The following HPSE2 variants were observed in gnomAD, a reference collection of about 807,000 sequenced individuals.
The protein encoded by HPSE2 is heparanase 2 (inactive).
In HPSE2, 38 loss-of-function variants were observed where a neutral mutation model predicts 60.5. The observed-to-expected ratio is 0.63, with a 90% CI of 0.48 to 0.82. The LOEUF is 0.82. Ranked by LOEUF, HPSE2 falls within the 40% of genes least tolerant of loss-of-function variation. HPSE2 has a pLI of 0.00. For missense variants in HPSE2, 713 were observed against 740.4 expected, an observed-to-expected ratio of 0.96 and a Z score of 0.43; for synonymous variants, 295 against 293.2, an observed-to-expected ratio of 1.01 and a Z score of -0.06.
intron 3 of HPSE2, among the ~76,000 whole-genome samples, chr10:99,023,855 C>T (rs1957319640): frequency 6.6e-6 from 1 of 152,204 alleles, no homozygotes. Flanking sequence ...ATCTGGAAAG[C>T]CTTCCCAAGA....
chr10:99,132,194 AG>A (rs375544693), intron 3 of HPSE2, among the ~76,000 whole-genome samples: 19,348 of 40,850 alleles, frequency 0.47, 3,947 homozygotes, highest in East Asian at 0.64. Context: ...AGAAAGAAAG[AG>A]AGAGAGAGAG....
intron 3 of HPSE2, among the ~76,000 whole-genome samples, chr10:98,823,753 GCATA>G (rs980421627): frequency 2.6e-5 from 4 of 151,946 alleles, no homozygotes; most frequent in African/African-American, 9.7e-5. Context: ...AAAGAAAACA[GCATA>G]CATAAACAAG....
At chr10:98,727,624 C>A (rs1949120281) in intron 4 of HPSE2, among the ~76,000 whole-genome samples, 1 of 151,686 alleles carries the variant, frequency 6.6e-6, no homozygotes, top group South Asian at 2.1e-4. Flanking sequence ...CCATTGCACT[C>A]CAGCCTAGGT....
At chr10:99,141,038 GA>G (rs1845848756) in intron 3 of HPSE2, among the ~76,000 whole-genome samples, 1 of 152,014 alleles carries the variant, frequency 6.6e-6, no homozygotes, top group African/African-American at 2.4e-5. Flanking sequence ...CTCTGTCTCA[GA>G]AAAAAAGTAG....
chr10:98,614,787 G>T, intron 9 of HPSE2, 117 bp downstream of exon 9: 1 of 791,410 alleles, frequency 1.3e-6, no homozygotes, highest in Admixed American at 1.8e-5. Context: ...TCTGTTCAAT[G>T]AATGAAATTA....
chr10:98,467,914 C>G (rs974806964), intron 11 of HPSE2, among the ~76,000 whole-genome samples: 1 of 152,362 alleles, frequency 6.6e-6, no homozygotes, highest in African/African-American at 2.4e-5. Context: ...GGCCAGCGTG[C>G]AGAGAACGGG....
In HPSE2 at chr10:99,103,715, A is replaced by G. The variant is rs563267138; in HGVS notation, c.610+40523T>C. Among the ~76,000 whole-genome samples, 5 of 152,288 alleles carry G rather than the reference A, an allele frequency of 3.3e-5. No individual in the cohort carries two copies. In the South Asian group the frequency reaches 6.2e-4, roughly 19 times the overall value. On this transcript the variant is annotated intron_variant, in intron 3 of 11. Transcript: ENST00000370552. The stretch of plus-strand genomic sequence containing the variant: ...AAAAGAACAAAACTGGAGGCATCAT[A>G]CTACCTGACTTCAAACTATACTACA...
the HPSE2 span, among the ~76,000 whole-genome samples, chr10:99,271,688 A>G: frequency 6.6e-6 from 1 of 152,206 alleles, no homozygotes; most frequent in Non-Finnish European, 1.5e-5. Context: ...ACATAGCCAA[A>G]GCAAGGCTAA....
chr10:98,788,390 GT>G (rs1950576312), intron 3 of HPSE2, among the ~76,000 whole-genome samples: 2 of 84,152 alleles, frequency 2.4e-5, no homozygotes, highest in African/African-American at 7.5e-5. Context: ...GGTTACTGCT[GT>G]CTTTTTGTTT....
chr10:99,237,676 A>C (rs10883302), upstream of HPSE2, among the ~76,000 whole-genome samples: 75,152 of 152,154 alleles, frequency 0.49, 21,750 homozygotes, highest in Non-Finnish European at 0.64. Context: ...TCCAGCCCTA[A>C]GGCCTGTTTC....
intron 6 of HPSE2, among the ~76,000 whole-genome samples, chr10:98,653,934 T>C (rs1946988242): frequency 6.6e-6 from 1 of 151,962 alleles, no homozygotes; most frequent in Non-Finnish European, 1.5e-5. Flanking sequence ...TCTGAGAAAG[T>C]CTTTATTTCT....
chr10:99,230,903 G>A (rs1004790772), intron 2 of HPSE2, among the ~76,000 whole-genome samples: 1 of 152,164 alleles, frequency 6.6e-6, no homozygotes, highest in African/African-American at 2.4e-5. Flanking sequence ...GACCCTGGGA[G>A]CTATAAGGTT....
At chr10:99,012,737 C>T (rs1564736228) in intron 3 of HPSE2, among the ~76,000 whole-genome samples, 1 of 152,044 alleles carries the variant, frequency 6.6e-6, no homozygotes, top group East Asian at 1.9e-4. Context: ...TTTGACTTAA[C>T]GGACCAAGAA....
the HPSE2 span, among the ~76,000 whole-genome samples, chr10:99,263,606 C>G: frequency 1.3e-5 from 2 of 152,190 alleles, no homozygotes; most frequent in Non-Finnish European, 2.9e-5. Flanking sequence ...AAAGAGGCAG[C>G]TAGTGTTCCA....
At chr10:98,940,610 G>A (rs1354770910) in intron 3 of HPSE2, among the ~76,000 whole-genome samples, 45 of 129,606 alleles carry the variant, frequency 3.5e-4, no homozygotes, top group Admixed American at 6.3e-4. Context: ...CAACCAAAAA[G>A]AGTCCAGGAC....
intron 3 of HPSE2, among the ~76,000 whole-genome samples, chr10:98,949,006 T>C (rs1465628505): frequency 1.3e-5 from 2 of 152,084 alleles, no homozygotes; most frequent in Admixed American, 6.6e-5. Context: ...TAGATAAGTT[T>C]TGGGGAAGTC....
chr10:99,265,238 C>A, the HPSE2 span, among the ~76,000 whole-genome samples: 1 of 152,216 alleles, frequency 6.6e-6, no homozygotes, highest in East Asian at 1.9e-4. Flanking sequence ...GTACGCCTAA[C>A]CCAAACCTAT....
At chr10:99,097,352 C>G (rs1434185275) in intron 3 of HPSE2, among the ~76,000 whole-genome samples, 1 of 152,156 alleles carries the variant, frequency 6.6e-6, no homozygotes, top group Admixed American at 6.5e-5. Context: ...AAAGCAAAGC[C>G]TCTTTTACAT....
At chr10:98,798,774 G>C (rs1950839200) in intron 3 of HPSE2, among the ~76,000 whole-genome samples, 2 of 152,030 alleles carry the variant, frequency 1.3e-5, no homozygotes, top group Non-Finnish European at 2.9e-5. Context: ...TGTATCACCA[G>C]AGAAAATCAC....
Sources: gnomAD v4.1 joint callset for allele counts (sites outside exome capture counted in the v4.1 genomes callset) on GRCh38, gnomAD v4.1.1 for gene constraint, MANE v1.5 for transcripts, NCBI Gene and HGNC (gene_info 2026-07-23, HGNC 2026-07-21) for gene names.